YY1AP1: variants seen among roughly 807,000 people sequenced by gnomAD.
YY1AP1 encodes the protein YY1 associated protein 1, also known as YY1-associated protein 1.
YY1AP1 carries 43 observed loss-of-function variants against 39.9 expected under a neutral mutation model. The observed-to-expected ratio is 1.08, with a 90% CI of 0.84 to 1.39. The LOEUF (loss-of-function observed/expected upper bound fraction) is 1.39. Among genes scored for constraint, YY1AP1 ranks in the 40% most tolerant of loss-of-function variants. The pLI is 0.00. For missense variants in YY1AP1, 813 were observed against 900.7 expected (o/e 0.90, Z 1.25); for synonymous variants, 292 against 331.3 (o/e 0.88, Z 1.29).
chr1:155,665,244 C>T (rs1234606765), intron 9 of YY1AP1, among the ~76,000 whole-genome samples: 1 of 150,634 alleles, frequency 6.6e-6, no homozygotes, highest in Non-Finnish European at 1.5e-5. Flanking sequence ...AAACTGAGAC[C>T]CCCCCACCTC....
At chr1:155,674,108 C>G (rs1571342570) in intron 6 of YY1AP1, among the ~76,000 whole-genome samples, 1 of 145,536 alleles carries the variant, frequency 6.9e-6, no homozygotes, top group African/African-American at 2.6e-5. Flanking sequence ...TTGCAGTGAG[C>G]CGAGATCCCG....
intron 3 of YY1AP1, 27 bp downstream of exon 3, chr1:155,680,389 T>C: frequency 6.2e-7 from 1 of 1,612,454 alleles, no homozygotes; most frequent in Non-Finnish European, 8.5e-7. Context: ...TACAATCCCA[T>C]GTTCTCACTT....
chr1:155,666,420 C>T (rs1649022063), intron 9 of YY1AP1, among the ~76,000 whole-genome samples: 1 of 152,130 alleles, frequency 6.6e-6, no homozygotes, highest in African/African-American at 2.4e-5. Context: ...CGCGCCCAGC[C>T]AACAGTCCTT....
intron 9 of YY1AP1, among the ~76,000 whole-genome samples, chr1:155,665,247 C>G (rs1648788944): frequency 1.3e-5 from 2 of 151,362 alleles, no homozygotes; most frequent in Non-Finnish European, 2.9e-5. Context: ...CTGAGACCCC[C>G]CCACCTCAAT....
At chr1:155,673,337 T>C (rs1650137602) in intron 6 of YY1AP1, among the ~76,000 whole-genome samples, 1 of 152,032 alleles carries the variant, frequency 6.6e-6, no homozygotes, top group South Asian at 2.1e-4. Flanking sequence ...TTAAAATTGT[T>C]TTGTCTTTTG....
intron 2 of YY1AP1, among the ~76,000 whole-genome samples, chr1:155,683,709 T>C (rs926168514): frequency 1.6e-4 from 24 of 152,054 alleles, no homozygotes; most frequent in Admixed American, 2.0e-4. Flanking sequence ...ACTGAAATAC[T>C]GATCAGCTTT....
intron 9 of YY1AP1, among the ~76,000 whole-genome samples, chr1:155,666,414 C>A (rs963760105): frequency 1.1e-4 from 17 of 152,324 alleles, no homozygotes; most frequent in African/African-American, 3.6e-4. Flanking sequence ...AGCCACCGCG[C>A]CCAGCCAACA....
chr1:155,683,490 T>A (rs905109375), intron 2 of YY1AP1, among the ~76,000 whole-genome samples: 19 of 152,122 alleles, frequency 1.2e-4, no homozygotes, highest in African/African-American at 4.6e-4. Context: ...ACCCTGTCTC[T>A]ACTAACAATA....
chr1:155,688,422 G>T (rs1380411066), intron 1 of YY1AP1: 23 of 1,546,170 alleles, frequency 1.5e-5, no homozygotes, highest in Non-Finnish European at 1.1e-5. Context: ...CTCCCTCCTC[G>T]CGTTCTTCCC....
chr1:155,679,211 A>G, intron 4 of YY1AP1, 198 bp downstream of exon 4: 1 of 1,520,490 alleles, frequency 6.6e-7, no homozygotes, highest in South Asian at 1.2e-5. Flanking sequence ...TCCCAAACAG[A>G]TACAGCTTGG....
chr1:155,674,110 G>A (rs1402624395), intron 6 of YY1AP1, among the ~76,000 whole-genome samples: 2 of 138,120 alleles, frequency 1.4e-5, no homozygotes, highest in East Asian at 2.0e-4. Flanking sequence ...GCAGTGAGCC[G>A]AGATCCCGCC....
In YY1AP1 at chr1:155,688,723, G is replaced by T; in HGVS notation, c.-216C>A. On this transcript the variant is annotated 5_prime_UTR_variant, in exon 1 of 11. Coordinates refer to ENST00000355499, the MANE Select transcript of YY1AP1 (RefSeq NM_139119.3). ...CTCTCCTCCCCCTCCCTCCCCGCCC[G>T]CACGGCCACCAACCGCCGCCAAAGC... The T allele has an allele frequency of 8.4e-7, 1 of 1,196,036 alleles. No homozygotes were observed. Among genetic ancestry groups the T allele is most frequent in the South Asian group, 1.3e-5 (1 of 75,454 alleles). 74.1% of individuals were successfully genotyped at this position (1,196,036 alleles called of 1,614,324 possible).
intron 5 of YY1AP1, among the ~76,000 whole-genome samples, chr1:155,676,269 T>C (rs78158058): frequency 0.017 from 2,649 of 152,144 alleles, 88 homozygotes; most frequent in African/African-American, 0.061. Flanking sequence ...AAACTACTTG[T>C]CACAGTGAAG....
In YY1AP1 at chr1:155,659,810, C is replaced by G; in HGVS notation, c.2100G>C (p.Trp700Cys). The G allele has an allele frequency of 6.2e-7, 1 of 1,614,182 alleles. No homozygotes were observed. The highest frequency in any genetic ancestry group is 8.5e-7 in the Non-Finnish European group (1 of 1,180,046). Residue 700 changes from tryptophan to cysteine, a missense_variant, in exon 11 of 11, where the codon TGG (tryptophan) becomes TGC (cysteine). Physicochemically the swap from Trp to Cys is radical, Grantham distance 215. Coordinates refer to ENST00000355499, the MANE Select transcript of YY1AP1 (RefSeq NM_139119.3). ...EGLSENSAYR[W>C]TVVKTEEGRQ... ...TTCCCTCCTCTGTTTTCACAACGGT[C>G]CAGCGATAGGCACTGTTCTCTGACA...
At chr1:155,669,379 A>C (rs1649519657) in intron 8 of YY1AP1, among the ~76,000 whole-genome samples, 1 of 152,156 alleles carries the variant, frequency 6.6e-6, no homozygotes, top group Non-Finnish European at 1.5e-5. Context: ...TGACTACTAC[A>C]AGTTGGTGAC....
chr1:155,672,298 T>C (rs1409853653), intron 7 of YY1AP1: 2 of 542,920 alleles, frequency 3.7e-6, no homozygotes, highest in African/African-American at 3.8e-5. Context: ...GTCCAATTCT[T>C]AGCACTGAGC....
At chr1:155,681,973 C>T (rs184462059) in intron 2 of YY1AP1, among the ~76,000 whole-genome samples, 62 of 152,036 alleles carry the variant, frequency 4.1e-4, no homozygotes, top group Admixed American at 6.6e-4. Flanking sequence ...ACATGAGCCA[C>T]CCCACCTGGC....
At chr1:155,666,500 G>A (rs1396189324) in intron 9 of YY1AP1, among the ~76,000 whole-genome samples, 1 of 152,210 alleles carries the variant, frequency 6.6e-6, no homozygotes, top group Non-Finnish European at 1.5e-5. Context: ...TGAGGAGTTT[G>A]GAGAGCAGAA....
At chr1:155,680,965 A>T (rs1371855499) in intron 2 of YY1AP1, among the ~76,000 whole-genome samples, 1 of 152,052 alleles carries the variant, frequency 6.6e-6, no homozygotes, top group East Asian at 1.9e-4. Context: ...AGAGAGAGAG[A>T]GAGTTCTAAT....
Sources: allele counts gnomAD v4.1 joint callset (sites outside exome capture counted in the v4.1 genomes callset), GRCh38; gene constraint gnomAD v4.1.1; transcripts MANE v1.5; gene names NCBI Gene and HGNC (gene_info 2026-07-23, HGNC 2026-07-21).